SDR42E1: variants seen among roughly 807,000 people sequenced by gnomAD.
SDR42E1 encodes the protein short-chain dehydrogenase/reductase family 42E member 1.
Under a neutral mutation model 2.6 loss-of-function variants are expected in SDR42E1, and 5 were observed. The ratio of observed to expected loss-of-function variants is 1.94; its 90% CI spans 1.01 to 4.08. The LOEUF is 4.08. Among genes scored for constraint, SDR42E1 ranks in the 30% most tolerant of loss-of-function variants. The probability of loss-of-function intolerance (pLI) is 0.00; values close to 1 mark genes in which losing one functional copy is unlikely to be tolerated. For missense variants in SDR42E1, 596 were observed against 478.6 expected, an observed-to-expected ratio of 1.25 and a Z score of -2.29; for synonymous variants, 231 against 188.3, an observed-to-expected ratio of 1.23 and a Z score of -1.86.
chr16:82,002,361 G>T (rs1489168729), intron 1 of SDR42E1, among the ~76,000 whole-genome samples: 1 of 152,130 alleles, frequency 6.6e-6, no homozygotes, highest in African/African-American at 2.4e-5. Context: ...TTTCTCTTCT[G>T]TCTGGTTGTG....
At position 81,999,590 on chromosome 16, in the gene SDR42E1, C is replaced by G. The variant is rs187318448; in HGVS notation, c.703G>C (p.Ala235Pro). 1.3e-4 allele frequency: 209 copies of G among 1,614,100 alleles called. 1 individual carries two copies. The African/African-American group carries it at 2.4e-3, about 19-fold the overall frequency. Residue 235 changes from alanine to proline, a missense_variant, in exon 3 of 3, where the codon GCC becomes CCC. Physicochemically the swap from Ala to Pro is conservative, Grantham distance 27 (BLOSUM62 -1). Coordinates refer to ENST00000328945, the MANE Select transcript of SDR42E1 (RefSeq NM_145168.3). Reference sequence around the variant, plus strand: ...TTGTCAGCTCTCAGGGCTTCTGAGGCCAGAATGTGAGCCTGCACCAAGTTA... The same window carrying G: ...TTGTCAGCTCTCAGGGCTTCTGAGGGCAGAATGTGAGCCTGCACCAAGTTA... ...VDNLVQAHIL[A>P]SEALRADKGH...
rs548318988 is a variant in SDR42E1, at chr16:81,995,586, T to C, written c.*3525A>G. On this transcript the variant is annotated 3_prime_UTR_variant, in exon 3 of 3. Transcript: ENST00000328945. ...GACTTCCCTTACTCACTAGACCTCATCTAATCTTGACTTAGTTACGACAGT... is the reference window on the plus strand; with the variant it reads ...GACTTCCCTTACTCACTAGACCTCACCTAATCTTGACTTAGTTACGACAGT... 1.3e-5 allele frequency: 2 copies of C among 152,220 alleles called. No individual in the cohort carries two copies. The highest frequency in any genetic ancestry group is 2.9e-5 in the Non-Finnish European group (2 of 68,050). The allele number at this position is 152,220 out of a possible 1,614,324, so 9.4% of individuals were successfully genotyped here.
chr16:81,999,176 A>G lies in SDR42E1; in HGVS notation c.1117T>C (p.Leu373=), dbSNP rs762255538. The change falls in exon 3 of 3, where the codon TTG becomes CTG. Residue 373 remains leucine, a synonymous_variant. Transcript: ENST00000328945. ...ACTGCTATAATCAGGAGGAAGACCA[A>G]TAGCCCATCCCAAACAAAACACTCC... is the stretch of plus-strand genomic sequence containing the variant. ...DSECFVWDGL[L]VFLLIIAVLM... 9.3e-6 allele frequency: 15 copies of G among 1,614,242 alleles called. No homozygotes were observed. The highest frequency in any genetic ancestry group is 1.7e-5 in the Admixed American group (1 of 60,030).
rs2143826589 is a variant in SDR42E1 at position 81,991,630 on chromosome 16, G to A, written c.*7481C>T. On this transcript the variant is annotated 3_prime_UTR_variant, in exon 3 of 3. Transcript: ENST00000328945. Reference sequence around the variant, plus strand: ...GGAGGCTGAGGTAGGACAATCATTTGAGCCCAGGAGTTCGAGCCAACAGTG... The same window carrying A: ...GGAGGCTGAGGTAGGACAATCATTTAAGCCCAGGAGTTCGAGCCAACAGTG... 6.6e-6 allele frequency: 1 copy of A among 151,256 alleles called. No individual in the cohort carries two copies. Among genetic ancestry groups the A allele is most frequent in the Non-Finnish European group, 1.5e-5 (1 of 68,006 alleles). The allele number at this position is 151,256 out of a possible 1,614,324, so 9.4% of individuals were successfully genotyped here. A position where few individuals can be genotyped will look rare whatever the true frequency, so the allele number is the denominator to read the frequency against.
At position 81,998,890 on chromosome 16, in the gene SDR42E1, T is replaced by C; in HGVS notation, c.*221A>G. On this transcript the variant is annotated 3_prime_UTR_variant, in exon 3 of 3. Transcript: ENST00000328945. ...TGTACCCACCTAAAACAGAAGCACA[T>C]AACAAATCAAATTTCAAACTAATCT... is the stretch of plus-strand genomic sequence containing the variant. 1 of 584,550 alleles carries C rather than the reference T, an allele frequency of 1.7e-6. No homozygotes were observed. The highest frequency in any genetic ancestry group is 3.0e-6 in the Non-Finnish European group (1 of 337,018). 36.2% of individuals were successfully genotyped at this position (584,550 alleles called of 1,614,324 possible). A position where few individuals can be genotyped will look rare whatever the true frequency, so the allele number is the denominator to read the frequency against.
In SDR42E1 at chr16:81,999,081, A is replaced by C; in HGVS notation, c.*30T>G. The C allele has an allele frequency of 6.3e-7, 1 of 1,596,028 alleles. No individual in the cohort carries two copies. Among genetic ancestry groups the C allele is most frequent in the East Asian group, 2.2e-5 (1 of 44,774 alleles). Reference sequence around the variant, plus strand: ...TGTTTCTTGAGAACCATCTCAGCCAACTGTGATCACCTTATTTCTGGCCCC... The same window carrying C: ...TGTTTCTTGAGAACCATCTCAGCCACCTGTGATCACCTTATTTCTGGCCCC... On this transcript the variant is annotated 3_prime_UTR_variant, in exon 3 of 3. Transcript: ENST00000328945.
chr16:82,000,955 C>T, intron 1 of SDR42E1, 71 bp from the exon 2 acceptor site: 1 of 1,053,220 alleles, frequency 9.5e-7, no homozygotes, highest in Non-Finnish European at 1.4e-6. Context: ...TTTGACCTAA[C>T]AAAAACAAAA....
At chr16:82,010,768 A>C (rs577692516) in intron 1 of SDR42E1, among the ~76,000 whole-genome samples, 102 of 152,314 alleles carry the variant, frequency 6.7e-4, no homozygotes, top group African/African-American at 2.4e-3. Context: ...TGACCACATT[A>C]AGAATACATC....
At position 81,996,289 on chromosome 16, in the gene SDR42E1, G is replaced by C. The variant is rs1454701298; in HGVS notation, c.*2822C>G. On this transcript the variant is annotated 3_prime_UTR_variant, in exon 3 of 3. Coordinates refer to ENST00000328945, the MANE Select transcript of SDR42E1 (RefSeq NM_145168.3). ...TGGAAGAGCAAATGGGCTACTAGTG[G>C]AATCTATGGGAGAGAAGGTACACCT... 3.3e-5 allele frequency: 5 copies of C among 152,368 alleles called. No homozygotes were observed. The highest frequency in any genetic ancestry group is 2.0e-4 in the Admixed American group (3 of 15,294). 9.4% of individuals were successfully genotyped at this position (152,368 alleles called of 1,614,324 possible).
At position 81,991,863 on chromosome 16, in the gene SDR42E1, A is replaced by G. The variant is rs1215983584; in HGVS notation, c.*7248T>C. 1 of 152,130 alleles carries G rather than the reference A, an allele frequency of 6.6e-6. No homozygotes were observed. The highest frequency in any genetic ancestry group is 1.9e-4 in the East Asian group (1 of 5,196). The allele number at this position is 152,130 out of a possible 1,614,324, so 9.4% of individuals were successfully genotyped here. On this transcript the variant is annotated 3_prime_UTR_variant, in exon 3 of 3. Transcript: ENST00000328945. ...CTCCCATGTAAACTGGAGATAATAA[A>G]TTGATCTGTTTCTTAAAGACATTAA...
intron 1 of SDR42E1, among the ~76,000 whole-genome samples, chr16:82,011,080 G>C (rs1443174934): frequency 6.6e-6 from 1 of 152,178 alleles, no homozygotes; most frequent in Admixed American, 6.5e-5. Context: ...GAAAATCAAA[G>C]ACAGGAATCA....
In SDR42E1 at chr16:81,999,275, G is replaced by A. The variant is rs1912644656; in HGVS notation, c.1018C>T (p.Pro340Ser). ...AKKELGYKAQPFDLQEAVEWF... is the reference protein window; with the variant it reads ...AKKELGYKAQSFDLQEAVEWF... Reference sequence around the variant, plus strand: ...TCCACTGCTTCCTGGAGGTCAAATGGCTGAGCCTTATAACCTAGCTCTTTC... The same window carrying A: ...TCCACTGCTTCCTGGAGGTCAAATGACTGAGCCTTATAACCTAGCTCTTTC... The change falls in exon 3 of 3, where the codon CCA becomes TCA. Residue 340 changes from proline to serine, a missense_variant. Transcript: ENST00000328945. 2 of 1,614,196 alleles carry A rather than the reference G, an allele frequency of 1.2e-6. No individual in the cohort carries two copies. Among genetic ancestry groups the A allele is most frequent in the South Asian group, 1.1e-5 (1 of 91,084 alleles).
chr16:81,999,017 G>A lies in SDR42E1; in HGVS notation c.*94C>T, dbSNP rs888821613. On this transcript the variant is annotated 3_prime_UTR_variant, in exon 3 of 3. Transcript: ENST00000328945. The stretch of plus-strand genomic sequence containing the variant: ...TTAAGTAGCAATTTGAAGAGCCAAT[G>A]TTTGGCACCAGATATCACTGTACAC... The A allele has an allele frequency of 1.0e-5, 14 of 1,343,610 alleles. No individual in the cohort carries two copies. The highest frequency in any genetic ancestry group is 1.4e-5 in the Non-Finnish European group (14 of 989,050). 83.2% of individuals were successfully genotyped at this position (1,343,610 alleles called of 1,614,324 possible). A position where few individuals can be genotyped will look rare whatever the true frequency, so the allele number is the denominator to read the frequency against.
intron 1 of SDR42E1, among the ~76,000 whole-genome samples, chr16:82,008,580 G>C (rs985860604): frequency 1.8e-4 from 28 of 152,204 alleles, no homozygotes; most frequent in South Asian, 4.1e-4. Flanking sequence ...ATGGCATTTT[G>C]TCCTTGCCCT....
rs140268186 is a variant in SDR42E1 at position 82,010,153 on chromosome 16, T to C, written c.-27+1234A>G. On this transcript the variant is annotated intron_variant, in intron 1 of 2. Coordinates refer to ENST00000328945, the MANE Select transcript of SDR42E1 (RefSeq NM_145168.3). ...TTTATAAATTACCCAGTCTTGGGTA[T>C]GTTTTTATTAGCAGCATGAGAATGG... Among the ~76,000 whole-genome samples the C allele has an allele frequency of 1.6e-4, 24 of 152,364 alleles. No individual in the cohort carries two copies. In the East Asian group the frequency reaches 3.8e-3, roughly 24 times the overall value.
At chr16:82,009,862 T>A (rs1448321086) in intron 1 of SDR42E1, among the ~76,000 whole-genome samples, 1 of 152,240 alleles carries the variant, frequency 6.6e-6, no homozygotes, top group East Asian at 1.9e-4. Context: ...CCTTGAATTG[T>A]AGATCCCATA....
Position 82,005,857 on chromosome 16 carries a change from TA to T in SDR42E1, c.-26-4974del, listed in dbSNP as rs946433043. Among the ~76,000 whole-genome samples, 45 of 151,196 alleles carry T rather than the reference TA, an allele frequency of 3.0e-4. 1 individual carries two copies. The highest frequency in any genetic ancestry group is 8.9e-5 in the Non-Finnish European group (6 of 67,744). ...CAAAAAAAACCTTAATTACAAACAG[TA>T]AAAAAAAATTAAATTTAAAAATCCA... is the stretch of plus-strand genomic sequence containing the variant. On this transcript the variant is annotated intron_variant, in intron 1 of 2. Transcript: ENST00000328945.
chr16:81,999,739 G>A lies in SDR42E1; in HGVS notation c.554C>T (p.Pro185Leu), dbSNP rs74029334. ...DGVLRTCALR[P>L]AGIYGPGEQR... is the part of the protein sequence containing the mutation. ...TTCTCCAGGCCCATAGATGCCAGCT[G>A]GCCTCAGAGCGCAGGTTCTTAAGAC... The change falls in exon 3 of 3, where the codon CCA becomes CTA. Residue 185 changes from proline to leucine, a missense_variant. By Grantham distance (98) the Pro-to-Leu change is moderately conservative. Coordinates refer to ENST00000328945, the MANE Select transcript of SDR42E1 (RefSeq NM_145168.3). 1,327 of 1,614,198 alleles carry A rather than the reference G, an allele frequency of 8.2e-4. 7 individuals carry two copies. In the African/African-American group the frequency reaches 0.015, roughly 18 times the overall value.
rs760944476 is a variant in SDR42E1, at chr16:81,999,337, G to C, written c.956C>G (p.Thr319Ser). ...TAAGCTAAAATAATGTGTGACACCA[G>C]TTTTGTAAACTTCAGTGCGAGTGAG... Reference protein sequence around the residue: ...PFLTRTEVYKTGVTHYFSLEK... With the variant: ...PFLTRTEVYKSGVTHYFSLEK... Residue 319 changes from threonine to serine, a missense_variant, in exon 3 of 3, where the codon ACT becomes AGT. Physicochemically the swap from Thr to Ser is moderately conservative, Grantham distance 58 (BLOSUM62 1). Transcript: ENST00000328945. The C allele has an allele frequency of 6.2e-7, 1 of 1,614,234 alleles. No individual in the cohort carries two copies. The highest frequency in any genetic ancestry group is 8.5e-7 in the Non-Finnish European group (1 of 1,180,034).
Sources: allele counts gnomAD v4.1 joint callset (sites outside exome capture counted in the v4.1 genomes callset), GRCh38; gene constraint gnomAD v4.1.1; transcripts MANE v1.5; gene names NCBI Gene and HGNC (gene_info 2026-07-23, HGNC 2026-07-21).